The following GOLGB1 variants were observed in gnomAD, a reference collection of about 807,000 sequenced individuals.
The protein encoded by GOLGB1 is golgin subfamily B member 1.
A neutral mutation model predicts 336.9 loss-of-function variants in GOLGB1; 174 were observed. That is an observed-to-expected ratio of 0.52 (90% CI 0.46 to 0.59). The LOEUF (loss-of-function observed/expected upper bound fraction) is 0.59. Among genes scored for constraint, GOLGB1 ranks in the 20% least tolerant of loss-of-function variants. The pLI, the probability that GOLGB1 is intolerant of heterozygous loss-of-function variation, is 0.00. For missense variants in GOLGB1, 3,331 were observed against 3,645.3 expected (o/e 0.91, Z 2.22); for synonymous variants, 1,208 against 1,289.2 (o/e 0.94, Z 1.35).
intron 1 of GOLGB1, among the ~76,000 whole-genome samples, chr3:121,746,516 A>G (rs1560349565): frequency 6.6e-6 from 1 of 151,818 alleles, no homozygotes. Context: ...GAGTTTCACT[A>G]TTGTCGCCCA....
chr3:121,698,033 C>G lies in GOLGB1; in HGVS notation c.2490G>C (p.Gln830His), dbSNP rs1432976791. The G allele has an allele frequency of 6.2e-7, 1 of 1,613,994 alleles. No individual in the cohort carries two copies. The highest frequency in any genetic ancestry group is 8.5e-7 in the Non-Finnish European group (1 of 1,179,962). ...LQNELDDVQL[Q>H]FSEQSTLIRS... is the part of the protein sequence containing the mutation. ...TTATCAGGGTACTCTGCTCAGAAAA[C>G]TGAAGCTGCACATCATCCAGTTCAT... Residue 830 changes from glutamine to histidine, a missense_variant, in exon 13 of 22, where the codon CAG (glutamine) becomes CAC (histidine). By Grantham distance (24) the Gln-to-His change is conservative (BLOSUM62 0). Transcript: ENST00000614479.
chr3:121,747,396 C>A (rs1317581807), intron 1 of GOLGB1, among the ~76,000 whole-genome samples: 1 of 139,756 alleles, frequency 7.2e-6, no homozygotes, highest in African/African-American at 2.6e-5. Flanking sequence ...TATATATATA[C>A]ATATATACGT....
At chr3:121,689,519 G>T (rs1942211714) in intron 14 of GOLGB1, among the ~76,000 whole-genome samples, 1 of 151,436 alleles carries the variant, frequency 6.6e-6, no homozygotes, top group South Asian at 2.1e-4. Flanking sequence ...ACTGCGGAAG[G>T]CCGCAGGGTC....
At position 121,727,234 on chromosome 3, in the gene GOLGB1, G is replaced by A. The variant is rs1461503030; in HGVS notation, c.403-193C>T. Reference sequence around the variant, plus strand: ...GTTTTTGTATGGCCAAGCAGTTCCTGTTAGACCTACCCTCCCTCACATAAT... The same window carrying A: ...GTTTTTGTATGGCCAAGCAGTTCCTATTAGACCTACCCTCCCTCACATAAT... On this transcript the variant is annotated intron_variant, in intron 4 of 21. Coordinates refer to ENST00000614479, the MANE Select transcript of GOLGB1 (RefSeq NM_001366282.2). Among the ~76,000 whole-genome samples the A allele has an allele frequency of 6.0e-5, 8 of 133,920 alleles. No individual in the cohort carries two copies. The Admixed American group carries it at 6.7e-4, about 11-fold the overall frequency. 87.9% of individuals were successfully genotyped at this position (133,920 alleles called of 152,430 possible).
In GOLGB1 at chr3:121,668,139, A is replaced by G; in HGVS notation, c.9341T>C (p.Val3114Ala). ...CTTTTCCTGGGGAGCTCCTGGAGCA[A>G]CATCTATATTTAGTGGCCCCTGGAA... Reference protein sequence around the residue: ...ELQAGPLNIDVAPGAPQEKNG... With the variant: ...ELQAGPLNIDAAPGAPQEKNG... The change falls in exon 19 of 22, where the codon GTT becomes GCT. Residue 3114 changes from valine (V) to alanine (A), a missense_variant. Physicochemically the swap from Val to Ala is moderately conservative, Grantham distance 64 (BLOSUM62 0). Transcript: ENST00000614479. The G allele has an allele frequency of 2.5e-6, 4 of 1,597,374 alleles. No homozygotes were observed. Among genetic ancestry groups the G allele is most frequent in the Non-Finnish European group, 3.4e-6 (4 of 1,167,726 alleles).
rs1483954896 is a variant in GOLGB1 at position 121,716,871 on chromosome 3, T to A, written c.1154A>T (p.His385Leu). 6.2e-7 allele frequency: 1 copy of A among 1,613,594 alleles called. No homozygotes were observed. Among genetic ancestry groups the A allele is most frequent in the African/African-American group, 1.3e-5 (1 of 74,940 alleles). The part of the protein sequence containing the change: ...HKAEMEEKTS[H>L]ILSLQKTGQE... Reference sequence around the variant, plus strand: ...TCCAGTCTTTTGAAGACTCAAAATATGAGAGGTCTTCTCTTCCATTTCTGC... The same window carrying A: ...TCCAGTCTTTTGAAGACTCAAAATAAGAGAGGTCTTCTCTTCCATTTCTGC... Residue 385 changes from histidine (H) to leucine (L), a missense_variant, in exon 9 of 22, where the codon CAT (histidine) becomes CTT (leucine). His to Leu is a moderately conservative substitution (Grantham distance 99). Coordinates refer to ENST00000614479, the MANE Select transcript of GOLGB1 (RefSeq NM_001366282.2).
chr3:121,736,693 A>G (rs549110521), intron 1 of GOLGB1, among the ~76,000 whole-genome samples: 39 of 152,294 alleles, frequency 2.6e-4, no homozygotes, highest in Admixed American at 2.0e-3. Context: ...ACTTGAGGTC[A>G]GTAGTTCGAG....
Position 121,694,177 on chromosome 3 carries a change from A to AT in GOLGB1, c.6345dup (p.Ser2116IlefsTer3). The AT allele has an allele frequency of 1.9e-6, 3 of 1,613,368 alleles. No individual in the cohort carries two copies. Among genetic ancestry groups the AT allele is most frequent in the Non-Finnish European group, 2.5e-6 (3 of 1,179,940 alleles). On this transcript the variant is annotated frameshift_variant, in exon 13 of 22. Transcript: ENST00000614479. LOFTEE classifies it high-confidence loss of function. Reference sequence around the variant, plus strand: ...TTTTGTTTCATCTGGCTTTTAACTGATTCTTTATTTGACTGAAGTTCCTTT... The same window carrying AT: ...TTTTGTTTCATCTGGCTTTTAACTGATTTCTTTATTTGACTGAAGTTCCTTT...
In GOLGB1 at chr3:121,736,899, G is replaced by C. The variant is rs535390878; in HGVS notation, c.-2-5926C>G. Among the ~76,000 whole-genome samples, 6 of 149,700 alleles carry C rather than the reference G, an allele frequency of 4.0e-5. No homozygotes were observed. The South Asian group carries it at 1.3e-3, about 33-fold the overall frequency. ...AGCCTGGGTGCCAGAGTGAGACCCT[G>C]CCTCTAAATAAATAAATAAATAAAC... is the stretch of plus-strand genomic sequence containing the variant. On this transcript the variant is annotated intron_variant, in intron 1 of 21. Coordinates refer to ENST00000614479, the MANE Select transcript of GOLGB1 (RefSeq NM_001366282.2).
chr3:121,747,150 T>TTA (rs548032779), intron 1 of GOLGB1, among the ~76,000 whole-genome samples: 1,946 of 49,188 alleles, frequency 0.04, 36 homozygotes, highest in Non-Finnish European at 0.041. Context: ...TACATGGATG[T>TTA]TATATATATA....
chr3:121,673,748 T>C (rs12491671), intron 17 of GOLGB1, among the ~76,000 whole-genome samples: 15,329 of 151,958 alleles, frequency 0.1, 848 homozygotes, highest in South Asian at 0.16. Context: ...TGAAACACAG[T>C]CTCGCTCTGT....
Position 121,702,579 on chromosome 3 carries a change from T to C in GOLGB1, c.1421A>G (p.Asn474Ser), listed in dbSNP as rs1319224958. 8 of 1,492,834 alleles carry C rather than the reference T, an allele frequency of 5.4e-6. No homozygotes were observed. The highest frequency in any genetic ancestry group is 7.2e-6 in the Non-Finnish European group (8 of 1,113,860). 92.5% of individuals were successfully genotyped at this position (1,492,834 alleles called of 1,614,324 possible). ...CACTCTCTTCTGCAAAGAAGCAATATTCTCCTCAGTGACTGCCTAAATTGT... is the reference window on the plus strand; with the variant it reads ...CACTCTCTTCTGCAAAGAAGCAATACTCTCCTCAGTGACTGCCTAAATTGT... ...NEGTQAVTEE[N>S]IASLQKRVVE... Residue 474 changes from asparagine (N) to serine (S), a missense_variant, in exon 11 of 22, where the codon AAT becomes AGT. Asn to Ser is a conservative substitution (Grantham distance 46). Transcript: ENST00000614479.
intron 14 of GOLGB1, among the ~76,000 whole-genome samples, chr3:121,688,040 G>C (rs910454354): frequency 6.6e-6 from 1 of 152,152 alleles, no homozygotes; most frequent in African/African-American, 2.4e-5. Flanking sequence ...CTATAAATAT[G>C]GGATATTAAG....
At position 121,674,244 on chromosome 3, in the gene GOLGB1, T is replaced by G. The variant is rs1232703588; in HGVS notation, c.9177+2649A>C. Among the ~76,000 whole-genome samples, 4 of 151,594 alleles carry G rather than the reference T, an allele frequency of 2.6e-5. No homozygotes were observed. In the East Asian group the frequency reaches 7.7e-4, roughly 29 times the overall value. On this transcript the variant is annotated intron_variant, in intron 17 of 21. Transcript: ENST00000614479. ...TTTCCAATCTGGATGTGCTTTTTTTTTTGTTTTGTTTTTGCCTAATTGCTC... is the reference window on the plus strand; with the variant it reads ...TTTCCAATCTGGATGTGCTTTTTTTGTTGTTTTGTTTTTGCCTAATTGCTC...
intron 5 of GOLGB1, 124 bp from the exon 6 acceptor site, chr3:121,722,502 T>C (rs1945271381): frequency 1.7e-5 from 10 of 592,612 alleles, no homozygotes; most frequent in East Asian, 1.4e-4. Context: ...CTAGTTTCCA[T>C]TGAACCCAAA....
chr3:121,675,991 G>C (rs1311229730), intron 17 of GOLGB1, among the ~76,000 whole-genome samples: 1 of 152,188 alleles, frequency 6.6e-6, no homozygotes, highest in East Asian at 1.9e-4. Flanking sequence ...GCTGGAAGGG[G>C]AACTCCATGG....
At chr3:121,730,164 T>C (rs6762575) in intron 2 of GOLGB1, 147 bp from the exon 3 acceptor site, 65,071 of 582,214 alleles carry the variant, frequency 0.11, 4,204 homozygotes, top group African/African-American at 0.19. Flanking sequence ...ATAATCATTA[T>C]CATAGCCATT....
Position 121,697,193 on chromosome 3 carries a change from TG to T in GOLGB1, c.3329del (p.Thr1110LysfsTer4). 1 of 1,614,144 alleles carries T rather than the reference TG, an allele frequency of 6.2e-7. No individual in the cohort carries two copies. Among genetic ancestry groups the T allele is most frequent in the Non-Finnish European group, 8.5e-7 (1 of 1,179,994 alleles). ...KQMNQTLQDK[T>X]NQIDLLQAEI... ...CTGCTTGGAGCAAATCTATTTGGTTTGTTTTATCTTGCAAGGTCTGATTCAT... is the reference window on the plus strand; with the variant it reads ...CTGCTTGGAGCAAATCTATTTGGTTTTTTTATCTTGCAAGGTCTGATTCAT... On this transcript the variant is annotated frameshift_variant, in exon 13 of 22. Transcript: ENST00000614479. LOFTEE classifies it high-confidence loss of function.
In GOLGB1 at chr3:121,677,454, G is replaced by GA. The variant is rs1331355152; in HGVS notation, c.8874-5dup. 5 of 1,598,544 alleles carry GA rather than the reference G, an allele frequency of 3.1e-6. No homozygotes were observed. The East Asian group carries it at 8.9e-5, about 29-fold the overall frequency. On this transcript the variant is annotated splice_region_variant and splice_polypyrimidine_tract_variant and intron_variant, in intron 15 of 21. Coordinates refer to ENST00000614479, the MANE Select transcript of GOLGB1 (RefSeq NM_001366282.2). Reference sequence around the variant, plus strand: ...TTCCCAGGAACTCTTCTCCATCCTAGAAAAAACATGACACAATCACAGGTA... The same window carrying GA: ...TTCCCAGGAACTCTTCTCCATCCTAGAAAAAAACATGACACAATCACAGGTA...
Sources: allele counts gnomAD v4.1 joint callset (sites outside exome capture counted in the v4.1 genomes callset), GRCh38; gene constraint gnomAD v4.1.1; transcripts MANE v1.5; gene names NCBI Gene and HGNC (gene_info 2026-07-23, HGNC 2026-07-21).